The following RAB8B variants were observed in gnomAD, a reference collection of about 807,000 sequenced individuals.
The protein encoded by RAB8B is RAB8B, member RAS oncogene family.
A neutral mutation model predicts 32.0 loss-of-function variants in RAB8B; 11 were observed. The observed-to-expected ratio is 0.34, with a 90% CI of 0.22 to 0.57. RAB8B has a LOEUF of 0.57. RAB8B is among the 20% of genes least tolerant of loss of function. The pLI is 0.86. For missense variants in RAB8B, 190 were observed against 258.5 expected (o/e 0.73, Z 1.82); for synonymous variants, 103 against 89.6 (o/e 1.15, Z -0.85).
rs146122405 is a variant in RAB8B at position 63,232,613 on chromosome 15, G to A, written c.125-12143G>A. Among the ~76,000 whole-genome samples the A allele has an allele frequency of 7.1e-3, 1,084 of 152,238 alleles. 7 individuals carry two copies. Among genetic ancestry groups the A allele is most frequent in the Non-Finnish European group, 0.01 (699 of 68,006 alleles). On this transcript the variant is annotated intron_variant, in intron 1 of 7. Transcript: ENST00000321437. ...TGTGTCACTGTTGACATATATAAATGCCATTTAATTTGCCACTTCCTATTC... is the reference window on the plus strand; with the variant it reads ...TGTGTCACTGTTGACATATATAAATACCATTTAATTTGCCACTTCCTATTC...
intron 1 of RAB8B, among the ~76,000 whole-genome samples, chr15:63,242,641 G>A (rs1325141163): frequency 2.0e-5 from 3 of 152,192 alleles, no homozygotes; most frequent in Non-Finnish European, 2.9e-5. Context: ...TTGCTCCACT[G>A]CACTCCAGCC....
rs911894079 is a variant in RAB8B at position 63,239,262 on chromosome 15, T to C, written c.125-5494T>C. ...TAATCCCTGGAGTAGCATCAGGAAA[T>C]TATCTTTGCTTTAAATTTTAACATG... is the stretch of plus-strand genomic sequence containing the variant. On this transcript the variant is annotated intron_variant, in intron 1 of 7. Transcript: ENST00000321437. Among the ~76,000 whole-genome samples the C allele has an allele frequency of 6.6e-5, 10 of 152,140 alleles. No individual in the cohort carries two copies. In the East Asian group the frequency reaches 1.7e-3, roughly 26 times the overall value.
At chr15:63,202,242 C>T (rs2037658866) in intron 1 of RAB8B, among the ~76,000 whole-genome samples, 1 of 151,106 alleles carries the variant, frequency 6.6e-6, no homozygotes, top group Non-Finnish European at 1.5e-5. Context: ...CGCGCCACTG[C>T]ACTCCAGCCA....
chr15:63,197,349 C>T (rs200740845), intron 1 of RAB8B, among the ~76,000 whole-genome samples: 621 of 78,528 alleles, frequency 7.9e-3, no homozygotes, highest in African/African-American at 8.7e-3. Context: ...TTTTTTTTTT[C>T]TTTCTTTCTT....
chr15:63,214,864 G>A lies in RAB8B; in HGVS notation c.124+25116G>A, dbSNP rs570078108. Reference sequence around the variant, plus strand: ...AGAAACAATAAAAATAATTTCCCATGGAATACACATATAGTATTTAATTTT... The same window carrying A: ...AGAAACAATAAAAATAATTTCCCATAGAATACACATATAGTATTTAATTTT... On this transcript the variant is annotated intron_variant, in intron 1 of 7. Coordinates refer to ENST00000321437, the MANE Select transcript of RAB8B (RefSeq NM_016530.3). 3.9e-5 allele frequency among the ~76,000 whole-genome samples: 6 copies of A among 152,188 alleles called. No individual in the cohort carries two copies. The East Asian group carries it at 9.6e-4, about 24-fold the overall frequency.
chr15:63,208,571 G>A (rs774374103), intron 1 of RAB8B, among the ~76,000 whole-genome samples: 12 of 151,426 alleles, frequency 7.9e-5, no homozygotes, highest in African/African-American at 2.2e-4. Context: ...TTTTATTCTC[G>A]CCTGCACATT....
At chr15:63,258,100 G>GTTT (rs71131155) in intron 5 of RAB8B, among the ~76,000 whole-genome samples, 27 of 142,204 alleles carry the variant, frequency 1.9e-4, no homozygotes, top group African/African-American at 6.2e-4. Flanking sequence ...AGTAAGTATA[G>GTTT]TTTTTTTTTT....
intron 1 of RAB8B, among the ~76,000 whole-genome samples, chr15:63,231,169 A>G (rs982606184): frequency 6.6e-6 from 1 of 152,232 alleles, no homozygotes; most frequent in African/African-American, 2.4e-5. Flanking sequence ...CATTACATGG[A>G]TAGCATTCTT....
intron 1 of RAB8B, among the ~76,000 whole-genome samples, chr15:63,228,258 C>T (rs1450420039): frequency 6.6e-6 from 1 of 152,174 alleles, no homozygotes; most frequent in Non-Finnish European, 1.5e-5. Context: ...TCAAGCGATC[C>T]TCCTGCCTTG....
intron 1 of RAB8B, among the ~76,000 whole-genome samples, chr15:63,243,418 A>G (rs1367580314): frequency 6.6e-6 from 1 of 152,218 alleles, no homozygotes. Context: ...TCTCCTCAGA[A>G]AGCTTATTCC....
At position 63,259,528 on chromosome 15, in the gene RAB8B, A is replaced by G. The variant is rs1312397682; in HGVS notation, c.415-99A>G. The G allele has an allele frequency of 1.0e-6, 1 of 994,326 alleles. No homozygotes were observed. Among genetic ancestry groups the G allele is most frequent in the African/African-American group, 1.6e-5 (1 of 61,298 alleles). 61.6% of individuals were successfully genotyped at this position (994,326 alleles called of 1,614,324 possible). ...GAGAACCACAGGAGTTCTGAAATAG[A>G]TACCCTACCTTTGAGACTTTGAAAA... is the stretch of plus-strand genomic sequence containing the variant. On this transcript the variant is annotated intron_variant, in intron 5 of 7. Coordinates refer to ENST00000321437, the MANE Select transcript of RAB8B (RefSeq NM_016530.3). This position sits in a 1 kb window ranked among gnomAD's most constrained non-coding sequence, Gnocchi z 4.4.
intron 1 of RAB8B, among the ~76,000 whole-genome samples, chr15:63,213,639 G>C (rs1207889724): frequency 2.6e-5 from 4 of 151,874 alleles, no homozygotes; most frequent in South Asian, 2.1e-4. Context: ...TCTTCCTTCT[G>C]GTTATGGGGA....
At chr15:63,204,021 C>G (rs2037675639) in intron 1 of RAB8B, among the ~76,000 whole-genome samples, 1 of 151,884 alleles carries the variant, frequency 6.6e-6, no homozygotes, top group Non-Finnish European at 1.5e-5. Context: ...GAATGAAGTG[C>G]TGTGGTAAAG....
At chr15:63,209,321 T>G (rs2037726916) in intron 1 of RAB8B, among the ~76,000 whole-genome samples, 2 of 151,828 alleles carry the variant, frequency 1.3e-5, no homozygotes, top group South Asian at 4.2e-4. Context: ...CTGGGTGCAG[T>G]GGCTCACACT....
chr15:63,199,954 TG>T (rs1466711262), intron 1 of RAB8B, among the ~76,000 whole-genome samples: 49 of 152,322 alleles, frequency 3.2e-4, no homozygotes, highest in African/African-American at 1.2e-3. Flanking sequence ...TACCGTTTTT[TG>T]TTCAAGTTAT....
chr15:63,221,861 A>G (rs2037847574), intron 1 of RAB8B, among the ~76,000 whole-genome samples: 1 of 152,132 alleles, frequency 6.6e-6, no homozygotes. Flanking sequence ...TTATTTATTT[A>G]CCTACTTGAT....
intron 1 of RAB8B, among the ~76,000 whole-genome samples, chr15:63,244,255 G>A (rs2038054394): frequency 6.6e-6 from 1 of 152,200 alleles, no homozygotes; most frequent in Non-Finnish European, 1.5e-5. Context: ...CTTGCTAACT[G>A]TTTAAAATAG....
intron 1 of RAB8B, among the ~76,000 whole-genome samples, chr15:63,198,629 T>G (rs2037622746): frequency 6.6e-6 from 1 of 152,202 alleles, no homozygotes; most frequent in African/African-American, 2.4e-5. Context: ...AGGACTGGCG[T>G]GGCTTCCCAT....
chr15:63,226,341 A>C (rs2037889056), intron 1 of RAB8B, among the ~76,000 whole-genome samples: 1 of 152,242 alleles, frequency 6.6e-6, no homozygotes. Flanking sequence ...TAAATGGATT[A>C]TACTCACACG....
Sources: allele counts gnomAD v4.1 joint callset (sites outside exome capture counted in the v4.1 genomes callset), GRCh38; gene constraint gnomAD v4.1.1; non-coding constraint Gnocchi (gnomAD v3.1); transcripts MANE v1.5; gene names NCBI Gene and HGNC (gene_info 2026-07-23, HGNC 2026-07-21).